OXR1: variants seen among roughly 807,000 people sequenced by gnomAD.
The protein encoded by OXR1 is oxidation resistance protein 1.
OXR1 carries 41 observed loss-of-function variants against 104.6 expected under a neutral mutation model. That is an observed-to-expected ratio of 0.39 (90% CI 0.31 to 0.51). OXR1 has a LOEUF of 0.51. Among genes scored for constraint, OXR1 ranks in the 20% least tolerant of loss-of-function variants. The pLI is 0.77. For missense variants in OXR1, 955 were observed against 1,031.9 expected (o/e 0.93, Z 1.02); for synonymous variants, 348 against 348.4 (o/e 1.00, Z 0.01).
chr8:106,649,815 G>A (rs565720444), intron 3 of OXR1, among the ~76,000 whole-genome samples: 1 of 152,010 alleles, frequency 6.6e-6, no homozygotes, highest in East Asian at 1.9e-4. Flanking sequence ...TCCTGCCTCA[G>A]CCTCCCAAAT....
chr8:106,607,068 C>A (rs1250241665), intron 3 of OXR1, among the ~76,000 whole-genome samples: 1 of 152,188 alleles, frequency 6.6e-6, no homozygotes, highest in East Asian at 1.9e-4. Context: ...AGCTGAAAAA[C>A]AAAGAGCAGG....
intron 7 of OXR1, among the ~76,000 whole-genome samples, chr8:106,696,543 A>G (rs1830051667): frequency 6.6e-6 from 1 of 152,036 alleles, no homozygotes. Flanking sequence ...AAACTGAAGA[A>G]CTCTCCTCCA....
chr8:106,735,599 G>T (rs193227416), intron 11 of OXR1, among the ~76,000 whole-genome samples: 3 of 152,144 alleles, frequency 2.0e-5, no homozygotes, highest in Non-Finnish European at 4.4e-5. Context: ...GGAAAGCAGA[G>T]AATTAGATAA....
intron 2 of OXR1, among the ~76,000 whole-genome samples, chr8:106,397,632 T>C (rs941083047): frequency 6.6e-6 from 1 of 152,074 alleles, no homozygotes; most frequent in Non-Finnish European, 1.5e-5. Context: ...AATCTACAGA[T>C]TTCTTTTTTC....
At chr8:106,711,804 G>A (rs1267267812) in intron 10 of OXR1, among the ~76,000 whole-genome samples, 2 of 152,074 alleles carry the variant, frequency 1.3e-5, no homozygotes, top group Admixed American at 6.6e-5. Context: ...TACAGAAGAG[G>A]AACCATAAGT....
At chr8:106,529,525 G>T (rs1813937836) in intron 3 of OXR1, among the ~76,000 whole-genome samples, 1 of 152,094 alleles carries the variant, frequency 6.6e-6, no homozygotes, top group African/African-American at 2.4e-5. Context: ...AAATATGTTT[G>T]CTTGATATTC....
intron 5 of OXR1, 134 bp downstream of exon 5, chr8:106,683,440 C>A (rs28921400): frequency 0.015 from 7,144 of 465,724 alleles, 104 homozygotes; most frequent in Admixed American, 0.054. Flanking sequence ...ATCATATTGG[C>A]CATGTAAGAG....
At chr8:106,391,728 G>T (rs551653707) in intron 2 of OXR1, among the ~76,000 whole-genome samples, 16 of 151,498 alleles carry the variant, frequency 1.1e-4, no homozygotes, top group Middle Eastern at 3.4e-3. Context: ...ATCTCTTTTT[G>T]TTGTTGTTGT....
At chr8:106,333,154 T>C (rs901659764) in intron 1 of OXR1, among the ~76,000 whole-genome samples, 2 of 152,108 alleles carry the variant, frequency 1.3e-5, no homozygotes, top group African/African-American at 4.8e-5. Context: ...CTTGTATGGA[T>C]ACCTAGGAAT....
intron 3 of OXR1, among the ~76,000 whole-genome samples, chr8:106,628,879 A>G (rs10096751): frequency 0.17 from 25,332 of 152,186 alleles, 2,268 homozygotes; most frequent in East Asian, 0.38. Context: ...CAACTGAAGG[A>G]ATAAAACAGA....
chr8:106,429,228 C>T (rs1819261770), intron 2 of OXR1, among the ~76,000 whole-genome samples: 1 of 152,090 alleles, frequency 6.6e-6, no homozygotes, highest in Admixed American at 6.6e-5. Context: ...AGTTGGCCCC[C>T]CAATCTGACT....
At chr8:106,707,619 C>A (rs575430916) in intron 9 of OXR1, 1 of 178,118 alleles carries the variant, frequency 5.6e-6, no homozygotes, top group African/African-American at 2.4e-5. Flanking sequence ...CGAGAAGTTT[C>A]ATCATCATCA....
chr8:106,388,911 T>A (rs1321531502), intron 2 of OXR1, among the ~76,000 whole-genome samples: 1 of 152,206 alleles, frequency 6.6e-6, no homozygotes, highest in Non-Finnish European at 1.5e-5. Flanking sequence ...ATCTTTCTGT[T>A]CTCTCCCACT....
chr8:106,590,929 G>C (rs1468440981), intron 3 of OXR1, among the ~76,000 whole-genome samples: 1 of 152,092 alleles, frequency 6.6e-6, no homozygotes, highest in Non-Finnish European at 1.5e-5. Context: ...TTGGTAGCAT[G>C]AGTGGACCTG....
intron 3 of OXR1, among the ~76,000 whole-genome samples, chr8:106,556,131 G>A (rs981897729): frequency 6.6e-6 from 1 of 151,884 alleles, no homozygotes; most frequent in Non-Finnish European, 1.5e-5. Context: ...ATTGATGGTT[G>A]CCAGGGCCTG....
chr8:106,586,852 C>G (rs1158504222), intron 3 of OXR1, among the ~76,000 whole-genome samples: 1 of 152,050 alleles, frequency 6.6e-6, no homozygotes, highest in African/African-American at 2.4e-5. Flanking sequence ...AGGAGGAGGT[C>G]ATTGGTGACT....
intron 2 of OXR1, among the ~76,000 whole-genome samples, chr8:106,489,424 G>A (rs1009310303): frequency 2.0e-5 from 3 of 152,146 alleles, no homozygotes; most frequent in Admixed American, 6.5e-5. Context: ...GCTCAGCATT[G>A]TAAGTTTTCC....
chr8:106,684,815 A>C lies in OXR1; in HGVS notation c.525+456A>C, dbSNP rs1210705643. Among the ~76,000 whole-genome samples the C allele has an allele frequency of 2.6e-5, 4 of 152,196 alleles. No homozygotes were observed. The East Asian group carries it at 7.7e-4, about 29-fold the overall frequency. ...CATCCAAGAATTGACATAGTAGATT[A>C]ATTTATCTAGCATTTCTAAGGAATG... On this transcript the variant is annotated intron_variant, in intron 6 of 16. Coordinates refer to ENST00000517566, the MANE Select transcript of OXR1 (RefSeq NM_001198533.2).
At chr8:106,408,697 G>T (rs989595786) in intron 2 of OXR1, among the ~76,000 whole-genome samples, 6 of 152,164 alleles carry the variant, frequency 3.9e-5, no homozygotes, top group Non-Finnish European at 7.3e-5. Flanking sequence ...CAAGATGCAC[G>T]TGGGTGTAAT....
Sources: allele counts gnomAD v4.1 joint callset (sites outside exome capture counted in the v4.1 genomes callset), GRCh38; gene constraint gnomAD v4.1.1; transcripts MANE v1.5; gene names NCBI Gene and HGNC (gene_info 2026-07-23, HGNC 2026-07-21).